The following ANKS1B variants were observed in gnomAD, a reference collection of about 807,000 sequenced individuals.
ANKS1B encodes ankyrin repeat and sterile alpha motif domain-containing protein 1B.
Under a neutral mutation model 148.3 loss-of-function variants are expected in ANKS1B, and 36 were observed. That is an observed-to-expected ratio of 0.24 (90% CI 0.19 to 0.32). ANKS1B has a LOEUF of 0.32. Ranked by LOEUF, ANKS1B falls within the 10% of genes least tolerant of loss-of-function variation. The pLI is 1.00. For missense variants in ANKS1B, 1,157 were observed against 1,542.6 expected, an observed-to-expected ratio of 0.75 and a Z score of 4.19; for synonymous variants, 542 against 560.8, an observed-to-expected ratio of 0.97 and a Z score of 0.47.
At chr12:99,088,612 G>A (rs921094718) in intron 15 of ANKS1B, among the ~76,000 whole-genome samples, 3 of 151,866 alleles carry the variant, frequency 2.0e-5, no homozygotes, top group Non-Finnish European at 4.4e-5. Context: ...CTTATTAAAG[G>A]AAATTATAAG....
intron 8 of ANKS1B, among the ~76,000 whole-genome samples, chr12:99,697,722 C>G (rs1258295076): frequency 1.3e-5 from 2 of 152,020 alleles, no homozygotes; most frequent in Non-Finnish European, 2.9e-5. Context: ...GAGTAAAACC[C>G]TATATAAACA....
intron 10 of ANKS1B, among the ~76,000 whole-genome samples, chr12:99,449,604 T>C (rs1567122362): frequency 6.6e-6 from 1 of 152,124 alleles, no homozygotes; most frequent in Non-Finnish European, 1.5e-5. Context: ...AGGCACATAA[T>C]AGGGGTTTTC....
intron 19 of ANKS1B, among the ~76,000 whole-genome samples, chr12:98,808,840 T>C (rs2099071264): frequency 6.6e-6 from 1 of 152,126 alleles, no homozygotes; most frequent in African/African-American, 2.4e-5. Flanking sequence ...CATGTAAACT[T>C]ATTCAGCAAG....
chr12:99,646,611 G>A (rs1294427659), intron 9 of ANKS1B, among the ~76,000 whole-genome samples: 14 of 122,694 alleles, frequency 1.1e-4, no homozygotes, highest in Non-Finnish European at 2.0e-4. Context: ...CCAAGATCAC[G>A]CCACTGATTC....
Position 98,832,018 on chromosome 12 carries a change from T to G in ANKS1B, c.2886+11A>C. On this transcript the variant is annotated intron_variant, in intron 18 of 26. Coordinates refer to ENST00000683438, the MANE Select transcript of ANKS1B (RefSeq NM_001352186.2). ...AGGGCAGAGAACCAGATGAATGTGC[T>G]TGGCACTTACCCTGAGGGTGATGGA... 6.3e-7 allele frequency: 1 copy of G among 1,574,858 alleles called. No homozygotes were observed. Among genetic ancestry groups the G allele is most frequent in the Non-Finnish European group, 8.6e-7 (1 of 1,158,922 alleles).
intron 9 of ANKS1B, among the ~76,000 whole-genome samples, chr12:99,587,071 G>T (rs1410888538): frequency 6.6e-6 from 1 of 152,154 alleles, no homozygotes; most frequent in African/African-American, 2.4e-5. Flanking sequence ...CAAAGTGGGA[G>T]CTAGGAACAG....
chr12:99,708,532 TA>T (rs975652632), intron 8 of ANKS1B, among the ~76,000 whole-genome samples: 3 of 152,170 alleles, frequency 2.0e-5, no homozygotes, highest in African/African-American at 7.2e-5. Context: ...GATCTGGGAA[TA>T]ATCTGTTTCT....
chr12:99,388,700 T>C (rs2093962034), intron 12 of ANKS1B, among the ~76,000 whole-genome samples: 1 of 152,194 alleles, frequency 6.6e-6, no homozygotes, highest in Admixed American at 6.5e-5. Flanking sequence ...TGGCCAGGGC[T>C]CCAGCTCTCA....
intron 1 of ANKS1B, among the ~76,000 whole-genome samples, chr12:99,903,179 G>C (rs2093661851): frequency 6.6e-6 from 1 of 152,126 alleles, no homozygotes; most frequent in Non-Finnish European, 1.5e-5. Context: ...TTCCTTCCTT[G>C]GTCTACCCAT....
At chr12:99,007,598 T>A (rs2099936851) in intron 17 of ANKS1B, among the ~76,000 whole-genome samples, 1 of 152,188 alleles carries the variant, frequency 6.6e-6, no homozygotes, top group African/African-American at 2.4e-5. Context: ...TGCAACTGCA[T>A]ATCCAGTTCA....
chr12:99,754,003 A>G (rs1218133809), intron 8 of ANKS1B, among the ~76,000 whole-genome samples: 1 of 152,070 alleles, frequency 6.6e-6, no homozygotes, highest in East Asian at 1.9e-4. Context: ...AGCCTGGGCA[A>G]CAAGAGCAAA....
At chr12:98,788,248 G>C (rs2098815462) in intron 22 of ANKS1B, among the ~76,000 whole-genome samples, 1 of 130,548 alleles carries the variant, frequency 7.7e-6, no homozygotes. Context: ...CTCTAGAAAA[G>C]AGAAGAAAAC....
chr12:98,954,811 A>C (rs1344736977), intron 17 of ANKS1B, among the ~76,000 whole-genome samples: 2 of 152,158 alleles, frequency 1.3e-5, no homozygotes. Flanking sequence ...TCTTCATGGA[A>C]ATGTGTCTTA....
chr12:99,406,160 A>G (rs1193524464), intron 11 of ANKS1B, among the ~76,000 whole-genome samples: 1 of 145,680 alleles, frequency 6.9e-6, no homozygotes, highest in Non-Finnish European at 1.5e-5. Context: ...TCTGTACTAT[A>G]GGTCAAATGG....
intron 17 of ANKS1B, among the ~76,000 whole-genome samples, chr12:99,015,026 C>T (rs918278950): frequency 1.3e-5 from 2 of 152,110 alleles, no homozygotes; most frequent in African/African-American, 2.4e-5. Context: ...GTTATATACC[C>T]AAAGGAATAT....
intron 17 of ANKS1B, among the ~76,000 whole-genome samples, chr12:99,047,994 T>C (rs1057192073): frequency 2.0e-5 from 3 of 152,086 alleles, no homozygotes; most frequent in Admixed American, 2.0e-4. Context: ...GCTAAAAATT[T>C]TTAATAATTT....
At chr12:99,957,085 CTT>C (rs1350755354) in intron 1 of ANKS1B, among the ~76,000 whole-genome samples, 3 of 152,154 alleles carry the variant, frequency 2.0e-5, no homozygotes. Flanking sequence ...GTACGTGAGA[CTT>C]TAACCAAATG....
intron 11 of ANKS1B, among the ~76,000 whole-genome samples, chr12:99,407,574 T>G (rs2094561938): frequency 6.9e-6 from 1 of 145,896 alleles, no homozygotes; most frequent in South Asian, 2.1e-4. Flanking sequence ...GAATTTGAAT[T>G]AGCCTTTCAA....
chr12:98,735,616 G>A lies in ANKS1B; in HGVS notation c.709C>T (p.His237Tyr), dbSNP rs758073552. 1.3e-6 allele frequency: 1 copy of A among 772,302 alleles called. No homozygotes were observed. The highest frequency in any genetic ancestry group is 2.4e-6 in the Non-Finnish European group (1 of 411,776). 47.8% of individuals were successfully genotyped at this position (772,302 alleles called of 1,614,324 possible). ...CTCTCTGATGGTTCCTGCCCGGTAT[G>A]GCTGGCATGAAGAAGATCCTGTAAA... is the stretch of plus-strand genomic sequence containing the variant. Residue 237 changes from histidine to tyrosine, a missense_variant, in exon 10 of 10, where the codon CAT (histidine) becomes TAT (tyrosine). By Grantham distance (83) the His-to-Tyr change is moderately conservative (BLOSUM62 2). Transcript: ENST00000341752.
Sources: allele counts gnomAD v4.1 joint callset (sites outside exome capture counted in the v4.1 genomes callset), GRCh38; gene constraint gnomAD v4.1.1; transcripts MANE v1.5; gene names NCBI Gene and HGNC (gene_info 2026-07-23, HGNC 2026-07-21).